The following CCDC60 variants were observed in gnomAD, a reference collection of about 807,000 sequenced individuals.
CCDC60 encodes coiled-coil domain-containing protein 60.
CCDC60 carries 54 observed loss-of-function variants against 63.5 expected under a neutral mutation model. That is an observed-to-expected ratio of 0.85 (90% CI 0.68 to 1.07). The LOEUF (loss-of-function observed/expected upper bound fraction) is 1.07. Among genes scored for constraint, CCDC60 ranks in the 50% least tolerant of loss-of-function variants. CCDC60 has a pLI of 0.00. For missense variants in CCDC60, 651 were observed against 684.3 expected (o/e 0.95, Z 0.54); for synonymous variants, 206 against 238.8 (o/e 0.86, Z 1.27).
chr12:119,343,904 A>G (rs1955559185), intron 1 of CCDC60, among the ~76,000 whole-genome samples: 1 of 152,052 alleles, frequency 6.6e-6, no homozygotes, highest in South Asian at 2.1e-4. Flanking sequence ...GTCTGAAAAA[A>G]TGCTGCCTCA....
At chr12:119,346,025 A>G (rs1004943605) in intron 1 of CCDC60, among the ~76,000 whole-genome samples, 1 of 133,696 alleles carries the variant, frequency 7.5e-6, no homozygotes, top group South Asian at 2.3e-4. Context: ...GAGTTTTGCC[A>G]TATTGCCCGG....
rs1235039993 is a variant in CCDC60 at position 119,335,133 on chromosome 12, T to A, written c.-44T>A. ...ACTGAAGTAGAAGATTCTGGAAAAA[T>A]CCTTGTCTTGGGGGCACAGGCTAAA... On this transcript the variant is annotated 5_prime_UTR_variant, in exon 1 of 14. Transcript: ENST00000327554. 2.0e-6 allele frequency: 3 copies of A among 1,519,168 alleles called. No individual in the cohort carries two copies. The highest frequency in any genetic ancestry group is 2.4e-5 in the South Asian group (2 of 83,964). 94.1% of individuals were successfully genotyped at this position (1,519,168 alleles called of 1,614,324 possible).
chr12:119,428,678 A>G lies in CCDC60; in HGVS notation c.91-5A>G. 6.3e-7 allele frequency: 1 copy of G among 1,585,446 alleles called. No homozygotes were observed. The highest frequency in any genetic ancestry group is 8.6e-7 in the Non-Finnish European group (1 of 1,158,450). ...TTTTATTTTAACCCCTTGTCTTCTCATCAGGTCCCAGACAAGCCAATGAAG... is the reference window on the plus strand; with the variant it reads ...TTTTATTTTAACCCCTTGTCTTCTCGTCAGGTCCCAGACAAGCCAATGAAG... On this transcript the variant is annotated splice_region_variant and splice_polypyrimidine_tract_variant and intron_variant, in intron 1 of 13. Coordinates refer to ENST00000327554, the MANE Select transcript of CCDC60 (RefSeq NM_178499.5).
chr12:119,513,190 T>C (rs1190030765), intron 7 of CCDC60, among the ~76,000 whole-genome samples: 2 of 152,166 alleles, frequency 1.3e-5, no homozygotes, highest in African/African-American at 4.8e-5. Context: ...TTTGCAAATA[T>C]ATATCCACAT....
chr12:119,454,069 A>G (rs927550756), intron 2 of CCDC60, among the ~76,000 whole-genome samples: 4 of 152,224 alleles, frequency 2.6e-5, no homozygotes, highest in Admixed American at 6.5e-5. Flanking sequence ...AGGTGAGGAA[A>G]GGACATCTCA....
chr12:119,498,748 G>A (rs1226740379), intron 5 of CCDC60, among the ~76,000 whole-genome samples: 1 of 152,188 alleles, frequency 6.6e-6, no homozygotes, highest in African/African-American at 2.4e-5. Context: ...ACAGATAGGT[G>A]GATGGATGAA....
chr12:119,364,409 C>T (rs1387914938), intron 1 of CCDC60, among the ~76,000 whole-genome samples: 1 of 152,162 alleles, frequency 6.6e-6, no homozygotes. Flanking sequence ...GGCAACTCCT[C>T]ATCTATACTC....
intron 1 of CCDC60, among the ~76,000 whole-genome samples, chr12:119,346,306 C>T (rs1333892178): frequency 6.6e-6 from 1 of 151,874 alleles, no homozygotes; most frequent in African/African-American, 2.4e-5. Context: ...TTAAAATGAA[C>T]TCTTCAATCC....
chr12:119,434,291 A>AG (rs1409449499), intron 2 of CCDC60, among the ~76,000 whole-genome samples: 5 of 144,000 alleles, frequency 3.5e-5, no homozygotes, highest in South Asian at 2.2e-4. Flanking sequence ...TTTTTTTGGC[A>AG]GGGGGGTTAG....
chr12:119,376,290 G>C (rs1031951651), intron 1 of CCDC60, among the ~76,000 whole-genome samples: 2 of 152,116 alleles, frequency 1.3e-5, no homozygotes, highest in Admixed American at 1.3e-4. Flanking sequence ...GATCCCTCCT[G>C]TCCTATCTTT....
intron 2 of CCDC60, among the ~76,000 whole-genome samples, chr12:119,467,829 T>C (rs1458323251): frequency 6.6e-6 from 1 of 152,240 alleles, no homozygotes; most frequent in African/African-American, 2.4e-5. Flanking sequence ...AGTTAAGAGG[T>C]TGCAAACGCT....
At chr12:119,381,048 C>T (rs570017361) in intron 1 of CCDC60, among the ~76,000 whole-genome samples, 11 of 152,272 alleles carry the variant, frequency 7.2e-5, no homozygotes, top group East Asian at 3.9e-4. Context: ...GGAACACAGA[C>T]GTACCCTAGA....
rs573780745 is a variant in CCDC60 at position 119,392,331 on chromosome 12, C to G, written c.91-36352C>G. On this transcript the variant is annotated intron_variant, in intron 1 of 13. Transcript: ENST00000327554. ...CTGTTGGACTGTAGCCAGCTTTGAA[C>G]TAAGTGACACAGCTCCACTCTCTTC... 4.6e-5 allele frequency among the ~76,000 whole-genome samples: 7 copies of G among 152,294 alleles called. No individual in the cohort carries two copies. The East Asian group carries it at 1.4e-3, about 29-fold the overall frequency.
chr12:119,429,177 T>C (rs894381529), intron 2 of CCDC60, among the ~76,000 whole-genome samples: 1 of 152,178 alleles, frequency 6.6e-6, no homozygotes, highest in Non-Finnish European at 1.5e-5. Flanking sequence ...GGACTCTTTT[T>C]CCCTATCTGT....
intron 1 of CCDC60, among the ~76,000 whole-genome samples, chr12:119,354,090 A>C (rs1955692047): frequency 2.7e-5 from 4 of 147,636 alleles, no homozygotes; most frequent in Admixed American, 6.8e-5. Flanking sequence ...TCTCTCTCCT[A>C]CCTCTTTCCT....
rs923939550 is a variant in CCDC60, at chr12:119,478,237, C to T, written c.342-857C>T. Reference sequence around the variant, plus strand: ...GGCTGAGGCACGAGAATTGCTTGAACCTAGGAGGCAGAGGTTGCAGTGAGC... The same window carrying T: ...GGCTGAGGCACGAGAATTGCTTGAATCTAGGAGGCAGAGGTTGCAGTGAGC... On this transcript the variant is annotated intron_variant, in intron 3 of 13. Transcript: ENST00000327554. Among the ~76,000 whole-genome samples the T allele has an allele frequency of 3.9e-5, 6 of 152,178 alleles. No individual in the cohort carries two copies. The East Asian group carries it at 1.2e-3, about 30-fold the overall frequency.
At chr12:119,436,940 A>G (rs958544175) in intron 2 of CCDC60, among the ~76,000 whole-genome samples, 5 of 152,202 alleles carry the variant, frequency 3.3e-5, no homozygotes, top group Non-Finnish European at 7.3e-5. Context: ...TTGGATTTCC[A>G]TGAGACCTTT....
intron 1 of CCDC60, among the ~76,000 whole-genome samples, chr12:119,412,770 C>G (rs1431191633): frequency 7.8e-6 from 1 of 128,178 alleles, no homozygotes; most frequent in African/African-American, 2.9e-5. Context: ...CCCACCCCCC[C>G]CCACCCCCCC....
intron 1 of CCDC60, among the ~76,000 whole-genome samples, chr12:119,376,542 C>G (rs1376985172): frequency 6.6e-6 from 1 of 152,034 alleles, no homozygotes; most frequent in Non-Finnish European, 1.5e-5. Context: ...GTGGGAGGAT[C>G]GCTTGAACCT....
Sources: allele counts gnomAD v4.1 joint callset (sites outside exome capture counted in the v4.1 genomes callset), GRCh38; gene constraint gnomAD v4.1.1; transcripts MANE v1.5; gene names NCBI Gene and HGNC (gene_info 2026-07-23, HGNC 2026-07-21).